Variants in TMPRSS11D observed in about 807,000 individuals in gnomAD.
TMPRSS11D encodes transmembrane serine protease 11D, also known as transmembrane protease serine 11D.
Under a neutral mutation model 44.4 loss-of-function variants are expected in TMPRSS11D, and 32 were observed. The ratio of observed to expected loss-of-function variants is 0.72; its 90% CI spans 0.54 to 0.97. The LOEUF (loss-of-function observed/expected upper bound fraction) is 0.97, where lower values mean the gene tolerates loss of function less well. Among genes scored for constraint, TMPRSS11D ranks in the 50% least tolerant of loss-of-function variants. The probability of loss-of-function intolerance (pLI) is 0.00; values close to 1 mark genes in which losing one functional copy is unlikely to be tolerated. For missense variants in TMPRSS11D, 446 were observed against 502.6 expected, an observed-to-expected ratio of 0.89 and a Z score of 1.08; for synonymous variants, 179 against 177.9, an observed-to-expected ratio of 1.01 and a Z score of -0.05.
intron 3 of TMPRSS11D, among the ~76,000 whole-genome samples, chr4:67,850,244 A>G (rs931444220): frequency 1.3e-5 from 2 of 152,172 alleles, no homozygotes; most frequent in East Asian, 1.9e-4. Context: ...TTAGTGTTTA[A>G]TAGTGTGTTA....
rs139923690 is a variant in TMPRSS11D at position 67,874,127 on chromosome 4, G to A, written c.8+9799C>T. 4.8e-3 allele frequency among the ~76,000 whole-genome samples: 725 copies of A among 152,124 alleles called. 1 individual carries two copies. Among genetic ancestry groups the A allele is most frequent in the Middle Eastern group, 0.031 (9 of 294 alleles). On this transcript the variant is annotated intron_variant, in intron 1 of 9. Transcript: ENST00000283916. ...TGCCTACAGTATTCAGTACAGTAAC[G>A]TGCTATACAGGTCTGTAGCCAAGGA...
chr4:67,863,724 A>T (rs1182737277), intron 1 of TMPRSS11D, among the ~76,000 whole-genome samples: 1 of 79,232 alleles, frequency 1.3e-5, no homozygotes, highest in Non-Finnish European at 3.4e-5. Flanking sequence ...TTTAAGCTTC[A>T]GATTTCAAAA....
chr4:67,863,113 A>G (rs912128772), intron 1 of TMPRSS11D, among the ~76,000 whole-genome samples: 1 of 151,080 alleles, frequency 6.6e-6, no homozygotes, highest in Non-Finnish European at 1.5e-5. Context: ...CAGCAAACTT[A>G]GATCTCAGTA....
In TMPRSS11D at chr4:67,841,813, ATACT is replaced by A. The variant is rs542834547; in HGVS notation, c.317+741_317+744del. ...ACCTGACCAGACATCTGTGCTCCAG[ATACT>A]TACTAGGTGACTCTCCAGAGAACAA... On this transcript the variant is annotated intron_variant, in intron 4 of 9. Transcript: ENST00000283916. Among the ~76,000 whole-genome samples, 299 of 152,326 alleles carry A rather than the reference ATACT, an allele frequency of 2.0e-3. 1 individual carries two copies. Among genetic ancestry groups the A allele is most frequent in the African/African-American group, 6.9e-3 (287 of 41,578 alleles).
chr4:67,841,308 A>G (rs753395864), intron 4 of TMPRSS11D, among the ~76,000 whole-genome samples: 1 of 152,200 alleles, frequency 6.6e-6, no homozygotes, highest in Admixed American at 6.6e-5. Flanking sequence ...CATTTAAGGA[A>G]TATACAAAGA....
intron 6 of TMPRSS11D, 36 bp downstream of exon 6, chr4:67,835,047 G>A (rs1262695863): frequency 1.9e-6 from 3 of 1,595,906 alleles, no homozygotes; most frequent in Non-Finnish European, 2.6e-6. Context: ...TTTATGATTT[G>A]GCAAATTACA....
chr4:67,879,582 G>T (rs1305171245), intron 1 of TMPRSS11D, among the ~76,000 whole-genome samples: 1 of 151,740 alleles, frequency 6.6e-6, no homozygotes, highest in Non-Finnish European at 1.5e-5. Flanking sequence ...AAAAAACCAG[G>T]AAAGAATGGT....
chr4:67,850,595 T>C (rs1718479775), intron 3 of TMPRSS11D, among the ~76,000 whole-genome samples: 4 of 152,170 alleles, frequency 2.6e-5, no homozygotes, highest in African/African-American at 9.6e-5. Context: ...CAGCAAGGGC[T>C]CGGTGCCAGC....
chr4:67,882,642 C>T (rs975453297), intron 1 of TMPRSS11D, among the ~76,000 whole-genome samples: 17 of 152,142 alleles, frequency 1.1e-4, no homozygotes, highest in African/African-American at 3.9e-4. Context: ...AGAGTAATTT[C>T]TTTAAAATTA....
chr4:67,838,911 T>C (rs1249094828), intron 4 of TMPRSS11D: 1 of 152,108 alleles, frequency 6.6e-6, no homozygotes, highest in Non-Finnish European at 1.5e-5. Flanking sequence ...TCATCACTCA[T>C]TTTAATTAAT....
intron 1 of TMPRSS11D, among the ~76,000 whole-genome samples, chr4:67,861,933 T>G (rs1490246245): frequency 6.6e-6 from 1 of 152,154 alleles, no homozygotes; most frequent in Non-Finnish European, 1.5e-5. Flanking sequence ...AAATTGTGTA[T>G]AATATTTACT....
At chr4:67,863,077 AT>A (rs1464655138) in intron 1 of TMPRSS11D, among the ~76,000 whole-genome samples, 1 of 150,284 alleles carries the variant, frequency 6.7e-6, no homozygotes, top group Non-Finnish European at 1.5e-5. Context: ...TAATAAAAAA[AT>A]AAAAATAAAA....
chr4:67,877,704 A>G (rs752319069), intron 1 of TMPRSS11D, among the ~76,000 whole-genome samples: 1 of 152,222 alleles, frequency 6.6e-6, no homozygotes, highest in Non-Finnish European at 1.5e-5. Flanking sequence ...CCTGAAAATT[A>G]TACTTGACAC....
intron 9 of TMPRSS11D, among the ~76,000 whole-genome samples, chr4:67,824,142 T>G (rs1213308882): frequency 2.0e-5 from 3 of 151,520 alleles, no homozygotes; most frequent in East Asian, 1.9e-4. Context: ...GCTGTGTTTT[T>G]TTTTTTTTTT....
intron 6 of TMPRSS11D, among the ~76,000 whole-genome samples, chr4:67,833,905 C>A (rs1018052670): frequency 2.6e-5 from 4 of 152,140 alleles, no homozygotes; most frequent in Non-Finnish European, 4.4e-5. Context: ...CCAAAAGACT[C>A]CTTAGTGACT....
chr4:67,846,395 TTATAA>T (rs1389071004), intron 3 of TMPRSS11D, among the ~76,000 whole-genome samples: 78 of 152,254 alleles, frequency 5.1e-4, no homozygotes, highest in Non-Finnish European at 5.1e-4. Context: ...ATTTTTAATA[TTATAA>T]TATAAGTGGA....
chr4:67,865,660 T>C (rs867863365), intron 1 of TMPRSS11D, among the ~76,000 whole-genome samples: 7 of 151,460 alleles, frequency 4.6e-5, no homozygotes, highest in Non-Finnish European at 5.9e-5. Flanking sequence ...CATATAGAAA[T>C]ACAAGAACCA....
rs79810867 is a variant in TMPRSS11D at position 67,823,159 on chromosome 4, G to A, written c.1096-661C>T. On this transcript the variant is annotated intron_variant, in intron 9 of 9. Transcript: ENST00000283916. ...TAGGAGATATTTGTTGAATGAATGA[G>A]TTTCTAGAAGTCTCACTTATCTTCC... is the stretch of plus-strand genomic sequence containing the variant. Among the ~76,000 whole-genome samples the A allele has an allele frequency of 2.4e-4, 36 of 152,292 alleles. No individual in the cohort carries two copies. The East Asian group carries it at 6.6e-3, about 28-fold the overall frequency.
chr4:67,844,484 A>G (rs1348060682), intron 3 of TMPRSS11D, among the ~76,000 whole-genome samples: 1 of 152,112 alleles, frequency 6.6e-6, no homozygotes, highest in African/African-American at 2.4e-5. Context: ...GAAGAAAGCA[A>G]AAAGTCAGGC....
Sources: allele counts gnomAD v4.1 joint callset (sites outside exome capture counted in the v4.1 genomes callset), GRCh38; gene constraint gnomAD v4.1.1; transcripts MANE v1.5; gene names NCBI Gene and HGNC (gene_info 2026-07-23, HGNC 2026-07-21).